The following TTN variants were observed in gnomAD, a reference collection of about 807,000 sequenced individuals.
TTN encodes the protein titin, also known as connectin.
TTN carries 1,525 observed loss-of-function variants against 3,223.0 expected under a neutral mutation model. The observed-to-expected ratio is 0.47, with a 90% CI of 0.45 to 0.49. The LOEUF is 0.49. Ranked by LOEUF, TTN falls within the 20% of genes least tolerant of loss-of-function variation. The pLI is 0.00. For missense variants in TTN, 40,786 were observed against 43,424.0 expected, an observed-to-expected ratio of 0.94 and a Z score of 5.40; for synonymous variants, 14,094 against 15,161.0, an observed-to-expected ratio of 0.93 and a Z score of 5.17.
rs1034048129 is a variant in TTN, at chr2:178,675,722, T to A, written c.34486A>T (p.Lys11496Ter). ...TTAAGACCAGGAGGAGGGACCTTCT[T>A]TTCTGGCTCAGGTTTCTTAGGTACC... ...SVVPKKPEPE[K>*]KVPPPGLKKA... Residue 11496 changes from lysine to a stop codon, truncating the protein, a stop_gained, in exon 149 of 363, where the codon AAG (lysine) becomes TAG (stop). Coordinates refer to ENST00000589042, the MANE Select transcript of TTN (RefSeq NM_001267550.2). LOFTEE classifies it high-confidence loss of function. 5 of 1,431,800 alleles carry A rather than the reference T, an allele frequency of 3.5e-6. No individual in the cohort carries two copies. Among genetic ancestry groups the A allele is most frequent in the Non-Finnish European group, 4.5e-6 (5 of 1,102,080 alleles). 88.7% of individuals were successfully genotyped at this position (1,431,800 alleles called of 1,614,324 possible).
Position 178,727,338 on chromosome 2 carries a change from G to T in TTN, c.20027C>A (p.Ser6676Tyr), listed in dbSNP as rs746565627. ...PPKFVKKLEA[S>Y]KIVKAGDSSR... ...AGAGTCACCTGCTTTCACAATTTTG[G>T]AGGCTTCTAATTTCTTTACAAACTT... The change falls in exon 69 of 363, where the codon TCC becomes TAC. Residue 6676 changes from serine (S) to tyrosine (Y), a missense_variant. Ser to Tyr is a moderately radical substitution (Grantham distance 144). Transcript: ENST00000589042. 2.5e-6 allele frequency: 4 copies of T among 1,606,846 alleles called. No homozygotes were observed. The highest frequency in any genetic ancestry group is 3.4e-6 in the Non-Finnish European group (4 of 1,176,220).
rs372775505 is a variant in TTN at position 178,576,468 on chromosome 2, G to T, written c.69716-52C>A. On this transcript the variant is annotated intron_variant, in intron 325 of 362. Coordinates refer to ENST00000589042, the MANE Select transcript of TTN (RefSeq NM_001267550.2). The surrounding 1 kb of genome is among the most constrained non-coding windows in gnomAD (Gnocchi z 4.3). ...TATATATTCAGAGTTTGGCTTTTGG[G>T]TAATTTAGATAAAATATTGGCACTC... is the stretch of plus-strand genomic sequence containing the variant. The T allele has an allele frequency of 1.3e-6, 2 of 1,592,400 alleles. No individual in the cohort carries two copies. The highest frequency in any genetic ancestry group is 2.2e-5 in the East Asian group (1 of 44,658).
At position 178,792,162 on chromosome 2, in the gene TTN, C is replaced by T. The variant is rs1258801411; in HGVS notation, c.1572G>A (p.Lys524=). ...TGGCTTTAGCTGCGGAAATTACTAC[C>T]TTTGGTACAAATGTTTTTTCAGTTT... The part of the protein sequence containing the change: ...RKETEKTFVP[K]VVISAAKAKE... Residue 524 remains lysine (K), a synonymous_variant, in exon 10 of 363, where the codon AAG becomes AAA. Transcript: ENST00000589042. 2 of 1,609,862 alleles carry T rather than the reference C, an allele frequency of 1.2e-6. No individual in the cohort carries two copies. Among genetic ancestry groups the T allele is most frequent in the Non-Finnish European group, 1.7e-6 (2 of 1,179,052 alleles).
At chr2:178,671,578 A>G (rs533110818) in intron 155 of TTN, among the ~76,000 whole-genome samples, 1 of 151,940 alleles carries the variant, frequency 6.6e-6, no homozygotes, top group East Asian at 1.9e-4. Flanking sequence ...CAGTTTGTGA[A>G]CAGTTGACTA....
At position 178,734,849 on chromosome 2, in the gene TTN, AC is replaced by A; in HGVS notation, c.15074del (p.Ser5025IlefsTer20). On this transcript the variant is annotated frameshift_variant, in exon 51 of 363. Coordinates refer to ENST00000589042, the MANE Select transcript of TTN (RefSeq NM_001267550.2). LOFTEE classifies it high-confidence loss of function. The part of the protein sequence containing the change: ...WFKNNKELSE[S>X]NTVRMYFVNS... ...TGACAAAATACATTCGGACTGTGTT[AC>A]TTTCACTGAGTTCTTTGTTATTTTT... 6.2e-7 allele frequency: 1 copy of A among 1,613,754 alleles called. No homozygotes were observed. Among genetic ancestry groups the A allele is most frequent in the Non-Finnish European group, 8.5e-7 (1 of 1,179,752 alleles).
chr2:178,536,356 T>G lies in TTN; in HGVS notation c.100391A>C (p.Glu33464Ala), dbSNP rs1480074410. Reference sequence around the variant, plus strand: ...TAGATTTTCACATTTCACACGAAACTCGTATTCAAGACCTTCAATAAGGTT... The same window carrying G: ...TAGATTTTCACATTTCACACGAAACGCGTATTCAAGACCTTCAATAAGGTT... ...VKNLIEGLEY[E>A]FRVKCENLGG... Residue 33464 changes from glutamate to alanine, a missense_variant, in exon 357 of 363, where the codon GAG becomes GCG. Physicochemically the swap from Glu to Ala is moderately radical, Grantham distance 107 (BLOSUM62 -1). Transcript: ENST00000589042. 1.2e-6 allele frequency: 2 copies of G among 1,613,786 alleles called. No individual in the cohort carries two copies. Among genetic ancestry groups the G allele is most frequent in the Non-Finnish European group, 1.7e-6 (2 of 1,179,780 alleles).
intron 118 of TTN, 88 bp from the exon 119 acceptor site, chr2:178,693,777 A>G (rs2073036838): frequency 2.4e-6 from 3 of 1,243,092 alleles, no homozygotes; most frequent in Non-Finnish European, 3.4e-6. Flanking sequence ...AAAAATGAAA[A>G]CAGAGACAAA....
rs535651146 is a variant in TTN, at chr2:178,647,856, A to G, written c.40058-392T>C. On this transcript the variant is annotated intron_variant, in intron 213 of 362. Coordinates refer to ENST00000589042, the MANE Select transcript of TTN (RefSeq NM_001267550.2). ...CTTTTATGCTTTAAAGGTGAAAAGC[A>G]CATCTACCATTTTCCTCTAACGTTA... Among the ~76,000 whole-genome samples the G allele has an allele frequency of 2.6e-5, 4 of 152,282 alleles. No individual in the cohort carries two copies. In the South Asian group the frequency reaches 8.3e-4, roughly 32 times the overall value.
Position 178,529,083 on chromosome 2 carries a change from T to A in TTN, c.106668A>T (p.Lys35556Asn). Reference sequence around the variant, plus strand: ...CTTTGAGGGCTAACTTTTCTTGAGATTTTGCCTCTGACATCTTAATTTCTT... The same window carrying A: ...CTTTGAGGGCTAACTTTTCTTGAGAATTTGCCTCTGACATCTTAATTTCTT... ...RSEEIKMSEA[K>N]SQEKLALKEE... The change falls in exon 360 of 363, where the codon AAA (lysine) becomes AAT (asparagine). Residue 35556 changes from lysine (K) to asparagine (N), a missense_variant. Transcript: ENST00000589042. The A allele has an allele frequency of 6.2e-7, 1 of 1,613,124 alleles. No individual in the cohort carries two copies.
intron 330 of TTN, chr2:178,556,409 C>T (rs865917504): frequency 1.7e-4 from 34 of 196,950 alleles, no homozygotes; most frequent in Admixed American, 8.6e-4. Context: ...ACAGCCTGGG[C>T]GACAGAGTGA....
In TTN at chr2:178,621,132, C is replaced by T. The variant is rs372872095; in HGVS notation, c.45586G>A (p.Ala15196Thr). The T allele has an allele frequency of 1.7e-5, 27 of 1,612,308 alleles. No homozygotes were observed. Among genetic ancestry groups the T allele is most frequent in the South Asian group, 1.4e-4 (13 of 90,998 alleles). ...ACTGTCAAGTGAGCTGCTGCTCTGG[C>T]GGCCCCTACCATGACAACGTAAGTG... ...MGTYVVMVGA[A>T]RAAAHLTVIE... The change falls in exon 246 of 363, where the codon GCC (alanine) becomes ACC (threonine). Residue 15196 changes from alanine (A) to threonine (T), a missense_variant. Transcript: ENST00000589042.
rs1217782958 is a variant in TTN, at chr2:178,590,939, A to G, written c.60786T>C (p.Pro20262=). The change falls in exon 304 of 363, where the codon CCT becomes CCC. Residue 20262 remains proline, a synonymous_variant. Transcript: ENST00000589042. ...IGVGPPLDST[P]TVAKHKFSPP... Reference sequence around the variant, plus strand: ...GACTAAATTTATGCTTAGCAACAGTAGGTGTGGAGTCAAGGGGAGGACCAA... The same window carrying G: ...GACTAAATTTATGCTTAGCAACAGTGGGTGTGGAGTCAAGGGGAGGACCAA... 6.2e-6 allele frequency: 10 copies of G among 1,613,202 alleles called. No individual in the cohort carries two copies. The African/African-American group carries it at 1.1e-4, about 17-fold the overall frequency.
intron 90 of TTN, among the ~76,000 whole-genome samples, 171 bp from the exon 91 acceptor site, chr2:178,714,744 T>C (rs965283195): frequency 2.0e-5 from 3 of 152,142 alleles, no homozygotes; most frequent in Admixed American, 6.6e-5. Flanking sequence ...AGTAGGAAAG[T>C]TGAATATCTC....
intron 99 of TTN, among the ~76,000 whole-genome samples, chr2:178,708,410 T>C (rs1005438099): frequency 2.0e-5 from 3 of 152,198 alleles, no homozygotes; most frequent in Non-Finnish European, 4.4e-5. Context: ...GATGAAGACA[T>C]TGATGAGTAA....
rs2078046090 is a variant in TTN at position 178,719,704 on chromosome 2, A to G, written c.23788T>C (p.Ser7930Pro). The change falls in exon 82 of 363, where the codon TCT (serine) becomes CCT (proline). Residue 7930 changes from serine (S) to proline (P), a missense_variant. Physicochemically the swap from Ser to Pro is moderately conservative, Grantham distance 74. Transcript: ENST00000589042. ...AKWFKDGREL[S>P]ADSKHHITFI... ...GTAATGTGATGTTTGCTGTCTGCAG[A>G]CAATTCTCTTCCATCTTTGAACCAC... 1 of 1,613,624 alleles carries G rather than the reference A, an allele frequency of 6.2e-7. No homozygotes were observed. Among genetic ancestry groups the G allele is most frequent in the African/African-American group, 1.3e-5 (1 of 74,888 alleles).
chr2:178,563,606 C>G lies in TTN; in HGVS notation c.82526G>C (p.Arg27509Pro), dbSNP rs1246168127. Residue 27509 changes from arginine to proline, a missense_variant, in exon 326 of 363, where the codon CGA becomes CCA. Coordinates refer to ENST00000589042, the MANE Select transcript of TTN (RefSeq NM_001267550.2). The surrounding 1 kb of genome is among the most constrained non-coding windows in gnomAD (Gnocchi z 4.5). ...TEIEGYILEKRDKEGVRWTKC... is the reference protein window; with the variant it reads ...TEIEGYILEKPDKEGVRWTKC... ...GGTCCATCTAACGCCTTCCTTATCT[C>G]GTTTTTCAAGAATGTAGCCCTCAAT... The G allele has an allele frequency of 6.2e-7, 1 of 1,613,608 alleles. No homozygotes were observed. The highest frequency in any genetic ancestry group is 2.2e-5 in the East Asian group (1 of 44,856).
At chr2:178,748,819 G>A in intron 47 of TTN, 1 of 1,611,944 alleles carries the variant, frequency 6.2e-7, no homozygotes, top group African/African-American at 1.3e-5. Flanking sequence ...TTATTGCAAT[G>A]TTAGATGAAT....
chr2:178,690,969 G>C (rs911488101), intron 121 of TTN, among the ~76,000 whole-genome samples: 2 of 152,096 alleles, frequency 1.3e-5, no homozygotes, highest in Non-Finnish European at 2.9e-5. Flanking sequence ...TTTGTATGGG[G>C]AAATGTAGTA....
chr2:178,751,112 T>C, intron 47 of TTN: 2 of 1,612,904 alleles, frequency 1.2e-6, no homozygotes, highest in Non-Finnish European at 1.7e-6. Context: ...AGCTGAATGA[T>C]CTACCTTATA....
Sources: gnomAD v4.1 joint callset for allele counts (sites outside exome capture counted in the v4.1 genomes callset) on GRCh38, gnomAD v4.1.1 for gene constraint, Gnocchi (gnomAD v3.1) non-coding constraint, MANE v1.5 for transcripts, NCBI Gene and HGNC (gene_info 2026-07-23, HGNC 2026-07-21) for gene names.